CUX1: variants seen among roughly 807,000 people sequenced by gnomAD.
CUX1 encodes the protein cut like homeobox 1.
A neutral mutation model predicts 158.8 loss-of-function variants in CUX1; 31 were observed. The ratio of observed to expected loss-of-function variants is 0.20; its 90% CI spans 0.15 to 0.26. CUX1 has a LOEUF of 0.26. Ranked by LOEUF, CUX1 falls within the 10% of genes least tolerant of loss-of-function variation. The probability of loss-of-function intolerance (pLI) is 1.00; values close to 1 mark genes in which losing one functional copy is unlikely to be tolerated. For synonymous variants in CUX1, 879 were observed against 862.1 expected (o/e 1.02, Z -0.34); for missense variants, 1,589 against 2,014.6 (o/e 0.79, Z 4.04).
rs145306681 is a variant in CUX1, at chr7:102,116,699, G to A, written c.674+1426G>A. Among the ~76,000 whole-genome samples the A allele has an allele frequency of 2.4e-3, 372 of 152,232 alleles. 3 individuals carry two copies. Among genetic ancestry groups the A allele is most frequent in the Admixed American group, 0.022 (333 of 15,288 alleles). ...TTAAAAAACATGTCAGGGGCTGATT[G>A]TCCTTCACATAAAAATTAGCCCTGT... On this transcript the variant is annotated intron_variant, in intron 8 of 23. Coordinates refer to ENST00000292535, the MANE Select transcript of CUX1 (RefSeq NM_181552.4).
At chr7:102,175,464 C>T (rs552814635) in intron 10 of CUX1, among the ~76,000 whole-genome samples, 7 of 152,250 alleles carry the variant, frequency 4.6e-5, no homozygotes, top group African/African-American at 9.6e-5. Context: ...CATGTCCCCT[C>T]CTTGCTCCAG....
intron 20 of CUX1, among the ~76,000 whole-genome samples, chr7:102,213,033 G>A (rs1015093068): frequency 5.3e-5 from 8 of 152,012 alleles, no homozygotes; most frequent in Non-Finnish European, 8.8e-5. Flanking sequence ...TAGTAGAGAC[G>A]GGGTTTCACC....
intron 3 of CUX1, among the ~76,000 whole-genome samples, chr7:102,029,913 A>G (rs1820519948): frequency 6.6e-6 from 1 of 151,994 alleles, no homozygotes; most frequent in Non-Finnish European, 1.5e-5. Flanking sequence ...TCGCTCAAAG[A>G]GTTCAGTGTG....
chr7:102,108,736 T>TGTGTGTG lies in CUX1; in HGVS notation c.531-2962_531-2961insGTGTGTG, dbSNP rs1830610289. On this transcript the variant is annotated intron_variant, in intron 6 of 23. Transcript: ENST00000292535. ...GAAGCTAGAATTTACTTCATTCATT[T>TGTGTGTG]TGTGTGTGTGTGTGTGTGTGTGTGT... 6.6e-3 allele frequency among the ~76,000 whole-genome samples: 959 copies of TGTGTGTG among 145,034 alleles called. 12 individuals are homozygous for TGTGTGTG. Among genetic ancestry groups the TGTGTGTG allele is most frequent in the African/African-American group, 0.024 (928 of 38,242 alleles).
chr7:102,061,286 G>C (rs906508219), intron 3 of CUX1, among the ~76,000 whole-genome samples: 1 of 151,758 alleles, frequency 6.6e-6, no homozygotes, highest in African/African-American at 2.4e-5. Context: ...GCTGGAACTA[G>C]GATTCAAACC....
At chr7:102,028,399 C>T (rs1218654746) in intron 3 of CUX1, among the ~76,000 whole-genome samples, 3 of 152,168 alleles carry the variant, frequency 2.0e-5, no homozygotes, top group African/African-American at 7.2e-5. Context: ...AGAAGTGCCC[C>T]GTGTGTGGTT....
At chr7:102,140,231 T>C (rs1273573643) in intron 8 of CUX1, among the ~76,000 whole-genome samples, 1 of 151,970 alleles carries the variant, frequency 6.6e-6, no homozygotes. Context: ...TGTGGGTTTG[T>C]TTTTTTGTTT....
intron 3 of CUX1, among the ~76,000 whole-genome samples, chr7:102,032,891 C>T (rs1303174047): frequency 6.6e-6 from 1 of 151,972 alleles, no homozygotes; most frequent in Non-Finnish European, 1.5e-5. Flanking sequence ...TATTCTAGCC[C>T]AACAATTTAG....
At chr7:102,068,605 G>A (rs1282900807) in intron 3 of CUX1, among the ~76,000 whole-genome samples, 1 of 152,160 alleles carries the variant, frequency 6.6e-6, no homozygotes, top group Non-Finnish European at 1.5e-5. Flanking sequence ...AGTTCTGAGC[G>A]CCCCACATCC....
intron 18 of CUX1, among the ~76,000 whole-genome samples, chr7:102,279,786 TCA>T (rs1791917036): frequency 6.6e-6 from 1 of 152,156 alleles, no homozygotes; most frequent in South Asian, 2.1e-4. Flanking sequence ...TGCCTGGGCC[TCA>T]GTTCCCCATC....
chr7:102,205,055 G>T, intron 19 of CUX1, 59 bp from the exon 20 acceptor site: 2 of 1,232,102 alleles, frequency 1.6e-6, no homozygotes, highest in South Asian at 1.2e-5. Flanking sequence ...CATTCAGTTA[G>T]GAAGCTTTAA....
intron 2 of CUX1, among the ~76,000 whole-genome samples, chr7:101,917,100 TGGGGAATCTTCTCCGTATCGTAGC>T (rs1468721732): frequency 6.6e-6 from 1 of 152,210 alleles, no homozygotes; most frequent in Non-Finnish European, 1.5e-5. Flanking sequence ...CTTCCGGGCT[TGGGGAATCTTCTCCGTATCGTAGC>T]TCTTGGCTCC....
At chr7:101,988,285 C>T (rs1308504026) in intron 2 of CUX1, among the ~76,000 whole-genome samples, 1 of 152,100 alleles carries the variant, frequency 6.6e-6, no homozygotes, top group Non-Finnish European at 1.5e-5. Flanking sequence ...GCTGACAGCT[C>T]AGAGCTGGTG....
chr7:101,870,170 T>A (rs1798367356), intron 1 of CUX1, among the ~76,000 whole-genome samples: 2 of 142,420 alleles, frequency 1.4e-5, no homozygotes, highest in Admixed American at 7.0e-5. Context: ...TTTTTTTTTT[T>A]AAAGACAGCA....
intron 2 of CUX1, among the ~76,000 whole-genome samples, chr7:101,938,117 A>ATT (rs534059788): frequency 4.3e-5 from 6 of 140,702 alleles, no homozygotes; most frequent in South Asian, 2.3e-4. Flanking sequence ...TGGTGTGTGT[A>ATT]TTTTTTTTTT....
At position 102,202,218 on chromosome 7, in the gene CUX1, T is replaced by C. The variant is rs782073788; in HGVS notation, c.2907+14T>C. 2 of 1,574,588 alleles carry C rather than the reference T, an allele frequency of 1.3e-6. No individual in the cohort carries two copies. The highest frequency in any genetic ancestry group is 1.8e-5 in the Admixed American group (1 of 55,656). On this transcript the variant is annotated intron_variant, in intron 18 of 23. Transcript: ENST00000292535. ...TTCGGGGAGAAGGTAAGGGATCTGCTCTGGGGGCTTTGGTTCTCCCATCTC... is the reference window on the plus strand; with the variant it reads ...TTCGGGGAGAAGGTAAGGGATCTGCCCTGGGGGCTTTGGTTCTCCCATCTC...
chr7:101,939,291 G>A (rs1207424694), intron 2 of CUX1, among the ~76,000 whole-genome samples: 2 of 151,582 alleles, frequency 1.3e-5, no homozygotes, highest in Non-Finnish European at 2.9e-5. Context: ...CTTTCACTTA[G>A]CGCAGTGGAT....
In CUX1 at chr7:102,257,885, A is replaced by G; in HGVS notation, c.*8843A>G. The G allele has an allele frequency of 2.0e-6, 2 of 984,506 alleles. No individual in the cohort carries two copies. The highest frequency in any genetic ancestry group is 2.4e-6 in the Non-Finnish European group (2 of 829,638). The allele number at this position is 984,506 out of a possible 1,614,324, so 61.0% of individuals were successfully genotyped here. ...ATTGACCAAAAAAGAAAAAAGGAAA[A>G]AAAAAAAGTCGTCTTTTTTTTTTTT... On this transcript the variant is annotated 3_prime_UTR_variant, in exon 24 of 24. Coordinates refer to ENST00000292535, the MANE Select transcript of CUX1 (RefSeq NM_181552.4).
intron 1 of CUX1, among the ~76,000 whole-genome samples, chr7:101,893,346 T>G (rs1300641026): frequency 6.6e-6 from 1 of 152,042 alleles, no homozygotes; most frequent in Non-Finnish European, 1.5e-5. Flanking sequence ...TTTTTGTTTC[T>G]AATTTCTACT....
Sources: gnomAD v4.1 joint callset for allele counts (sites outside exome capture counted in the v4.1 genomes callset) on GRCh38, gnomAD v4.1.1 for gene constraint, MANE v1.5 for transcripts, NCBI Gene and HGNC (gene_info 2026-07-23, HGNC 2026-07-21) for gene names.